SPOCK1: variants seen among roughly 807,000 people sequenced by gnomAD.
SPOCK1 encodes the protein testican-1.
A neutral mutation model predicts 55.3 loss-of-function variants in SPOCK1; 23 were observed. The ratio of observed to expected loss-of-function variants is 0.42; its 90% CI spans 0.30 to 0.59. The LOEUF (loss-of-function observed/expected upper bound fraction) is 0.59, where lower values mean the gene tolerates loss of function less well. SPOCK1 is among the 20% of genes least tolerant of loss of function. SPOCK1 has a pLI of 0.22. For missense variants in SPOCK1, 499 were observed against 552.5 expected, an observed-to-expected ratio of 0.90 and a Z score of 0.97; for synonymous variants, 226 against 221.0, an observed-to-expected ratio of 1.02 and a Z score of -0.20.
intron 2 of SPOCK1, among the ~76,000 whole-genome samples, chr5:137,306,431 G>A (rs1757701935): frequency 1.3e-5 from 2 of 152,310 alleles, no homozygotes; most frequent in East Asian, 3.9e-4. Context: ...TAGATTCCCT[G>A]TGCTTGAGGG....
intron 2 of SPOCK1, among the ~76,000 whole-genome samples, chr5:137,439,921 C>T (rs1752956327): frequency 6.6e-6 from 1 of 152,208 alleles, no homozygotes. Flanking sequence ...CAACTAGCCC[C>T]ACCCACACAT....
At chr5:137,495,069 G>A (rs1250604033) in intron 2 of SPOCK1, among the ~76,000 whole-genome samples, 1 of 152,186 alleles carries the variant, frequency 6.6e-6, no homozygotes, top group Non-Finnish European at 1.5e-5. Flanking sequence ...CCAATTGCTA[G>A]TGTTTATAAA....
intron 2 of SPOCK1, among the ~76,000 whole-genome samples, chr5:137,386,666 A>T (rs1471476705): frequency 6.6e-6 from 1 of 152,200 alleles, no homozygotes; most frequent in African/African-American, 2.4e-5. Context: ...CTCAAAATGG[A>T]TCACAGACCT....
chr5:137,300,942 G>A (rs2127136483), intron 2 of SPOCK1, among the ~76,000 whole-genome samples: 1 of 152,252 alleles, frequency 6.6e-6, no homozygotes, highest in East Asian at 1.9e-4. Context: ...CCAGGTTCTG[G>A]TGGCCACTGG....
intron 4 of SPOCK1, among the ~76,000 whole-genome samples, chr5:137,126,136 T>C (rs1753778346): frequency 6.6e-6 from 1 of 152,208 alleles, no homozygotes; most frequent in African/African-American, 2.4e-5. Flanking sequence ...ACTGTAATAA[T>C]TGAGTGTTGA....
At chr5:137,133,185 C>G (rs548741754) in intron 4 of SPOCK1, among the ~76,000 whole-genome samples, 8 of 152,058 alleles carry the variant, frequency 5.3e-5, no homozygotes, top group Middle Eastern at 3.4e-3. Flanking sequence ...CTGGCTAACA[C>G]AGCGAAACCC....
chr5:137,174,977 G>C (rs7727317), intron 3 of SPOCK1, among the ~76,000 whole-genome samples: 6,236 of 152,194 alleles, frequency 0.041, 216 homozygotes, highest in East Asian at 0.13. Flanking sequence ...TAGCATTACA[G>C]GCCCAAACCC....
chr5:137,341,820 A>C (rs938702888), intron 2 of SPOCK1, among the ~76,000 whole-genome samples: 1 of 152,232 alleles, frequency 6.6e-6, no homozygotes, highest in Non-Finnish European at 1.5e-5. Context: ...CCAGGAGAAA[A>C]TCATTTCATA....
intron 5 of SPOCK1, among the ~76,000 whole-genome samples, chr5:137,099,421 AT>A (rs1753216889): frequency 6.6e-6 from 1 of 152,140 alleles, no homozygotes; most frequent in Non-Finnish European, 1.5e-5. Context: ...GTCTTTAAAT[AT>A]TTTGTGTAAA....
At chr5:137,130,672 T>A (rs532350987) in intron 4 of SPOCK1, among the ~76,000 whole-genome samples, 9 of 152,296 alleles carry the variant, frequency 5.9e-5, no homozygotes, top group African/African-American at 2.2e-4. Flanking sequence ...TTGAGCTGGG[T>A]CTCCTCCTTT....
chr5:137,301,861 C>T lies in SPOCK1; in HGVS notation c.187-34806G>A, dbSNP rs144708014. Among the ~76,000 whole-genome samples the T allele has an allele frequency of 7.2e-5, 11 of 152,154 alleles. No homozygotes were observed. In the East Asian group the frequency reaches 1.9e-3, roughly 27 times the overall value. On this transcript the variant is annotated intron_variant, in intron 2 of 10. Transcript: ENST00000394945. ...TCCAGATACACAAATTTTCTCTAAA[C>T]AGTACTGCTTCAGAGTCATCAATGA...
In SPOCK1 at chr5:137,157,103, C is replaced by T. The variant is rs148815353; in HGVS notation, c.233-16409G>A. On this transcript the variant is annotated intron_variant, in intron 3 of 10. Coordinates refer to ENST00000394945, the MANE Select transcript of SPOCK1 (RefSeq NM_004598.4). Reference sequence around the variant, plus strand: ...TTACACTCTGCTGCCCCGGTCCCTTCCTCCCTCCTGCACTCTTACATGAAT... The same window carrying T: ...TTACACTCTGCTGCCCCGGTCCCTTTCTCCCTCCTGCACTCTTACATGAAT... Among the ~76,000 whole-genome samples the T allele has an allele frequency of 2.2e-3, 336 of 152,246 alleles. 1 individual carries two copies. The highest frequency in any genetic ancestry group is 7.8e-3 in the African/African-American group (322 of 41,542).
intron 5 of SPOCK1, among the ~76,000 whole-genome samples, chr5:137,098,694 C>T (rs1384847866): frequency 6.6e-6 from 1 of 152,182 alleles, no homozygotes; most frequent in East Asian, 1.9e-4. Flanking sequence ...GTCTCAGAGG[C>T]CATGTCAAGA....
intron 2 of SPOCK1, among the ~76,000 whole-genome samples, chr5:137,400,896 C>A (rs1211075527): frequency 2.0e-5 from 3 of 152,232 alleles, no homozygotes; most frequent in Non-Finnish European, 4.4e-5. Context: ...GTTCCCACTA[C>A]CCAGAGGGCA....
At chr5:137,443,694 G>T (rs1223785485) in intron 2 of SPOCK1, among the ~76,000 whole-genome samples, 1 of 152,142 alleles carries the variant, frequency 6.6e-6, no homozygotes. Context: ...GACAGCCATG[G>T]GTTCACCAAC....
intron 5 of SPOCK1, among the ~76,000 whole-genome samples, chr5:137,078,620 C>T (rs1382229481): frequency 1.3e-5 from 2 of 152,094 alleles, no homozygotes; most frequent in East Asian, 3.9e-4. Context: ...ATAACCTGTC[C>T]AAGTCTTCAT....
intron 2 of SPOCK1, among the ~76,000 whole-genome samples, chr5:137,289,947 G>A (rs143758620): frequency 1.3e-5 from 2 of 152,220 alleles, no homozygotes; most frequent in African/African-American, 2.4e-5. Flanking sequence ...TGGCCATACC[G>A]AGCATAAGAA....
intron 2 of SPOCK1, among the ~76,000 whole-genome samples, chr5:137,316,705 C>T (rs1757885661): frequency 6.6e-6 from 1 of 152,210 alleles, no homozygotes; most frequent in South Asian, 2.1e-4. Flanking sequence ...TTGCAGTTTT[C>T]ATCTCTAGCT....
chr5:137,219,817 G>A (rs939530552), intron 3 of SPOCK1, among the ~76,000 whole-genome samples: 1 of 152,166 alleles, frequency 6.6e-6, no homozygotes, highest in African/African-American at 2.4e-5. Flanking sequence ...AACCTAGGTG[G>A]CTATTTTTCC....
Sources: allele counts gnomAD v4.1 joint callset (sites outside exome capture counted in the v4.1 genomes callset), GRCh38; gene constraint gnomAD v4.1.1; transcripts MANE v1.5; gene names NCBI Gene and HGNC (gene_info 2026-07-23, HGNC 2026-07-21).